The following MSL1 variants were observed in gnomAD, a reference collection of about 807,000 sequenced individuals.
The protein encoded by MSL1 is male-specific lethal 1 homolog.
A neutral mutation model predicts 64.6 loss-of-function variants in MSL1; 21 were observed. The observed-to-expected ratio is 0.33, with a 90% CI of 0.23 to 0.47. The LOEUF (loss-of-function observed/expected upper bound fraction) is 0.47, where lower values mean the gene tolerates loss of function less well. MSL1 is among the 20% of genes least tolerant of loss of function. MSL1 has a pLI of 1.00. For missense variants in MSL1, 664 were observed against 793.2 expected (o/e 0.84, Z 1.96); for synonymous variants, 339 against 329.6 (o/e 1.03, Z -0.31).
At chr17:40,124,175 A>C (rs915764573) in intron 1 of MSL1, among the ~76,000 whole-genome samples, 5 of 152,176 alleles carry the variant, frequency 3.3e-5, no homozygotes. Context: ...CTGCAGCAGT[A>C]GTTAAGGGCA....
At chr17:40,128,173 G>A (rs1988362997) in intron 2 of MSL1, among the ~76,000 whole-genome samples, 1 of 151,948 alleles carries the variant, frequency 6.6e-6, no homozygotes, top group African/African-American at 2.4e-5. Context: ...TTCTTGGGAT[G>A]TGGTGGGGGA....
intron 6 of MSL1, 46 bp downstream of exon 6, chr17:40,133,155 C>G: frequency 1.3e-6 from 2 of 1,538,594 alleles, no homozygotes; most frequent in African/African-American, 1.4e-5. Context: ...GCCCTAGGAC[C>G]TAGGACAGAG....
chr17:40,123,969 T>C (rs1434732024), intron 1 of MSL1, among the ~76,000 whole-genome samples: 1 of 152,226 alleles, frequency 6.6e-6, no homozygotes, highest in Non-Finnish European at 1.5e-5. Flanking sequence ...TGAGTTCTAA[T>C]ACATGACCCA....
chr17:40,133,431 G>A, intron 6 of MSL1, 103 bp from the exon 7 acceptor site: 1 of 1,425,996 alleles, frequency 7.0e-7, no homozygotes, highest in Non-Finnish European at 9.3e-7. Context: ...GAGTCAGCAA[G>A]GGTCTTCCTA....
At chr17:40,132,126 G>C (rs748132070) in intron 5 of MSL1, 28 bp downstream of exon 5, 1 of 1,483,084 alleles carries the variant, frequency 6.7e-7, no homozygotes, top group South Asian at 1.2e-5. Context: ...CTCAATTGAA[G>C]AGAGTAAGAG....
chr17:40,125,668 G>A (rs571333751), intron 1 of MSL1, among the ~76,000 whole-genome samples: 10 of 152,222 alleles, frequency 6.6e-5, no homozygotes, highest in South Asian at 4.1e-4. Context: ...AAAATTACCC[G>A]GTGTGGTGGC....
At chr17:40,126,125 T>A in intron 1 of MSL1, 58 bp from the exon 2 acceptor site, 1 of 1,485,974 alleles carries the variant, frequency 6.7e-7, no homozygotes, top group Non-Finnish European at 9.4e-7. Flanking sequence ...TGGGGCTAAG[T>A]ATCTGTGTGT....
At position 40,131,474 on chromosome 17, in the gene MSL1, A is replaced by T; in HGVS notation, c.1376-63A>T. 4 of 1,462,730 alleles carry T rather than the reference A, an allele frequency of 2.7e-6. No individual in the cohort carries two copies. The highest frequency in any genetic ancestry group is 2.3e-5 in the East Asian group (1 of 44,208). 90.6% of individuals were successfully genotyped at this position (1,462,730 alleles called of 1,614,324 possible). A position where few individuals can be genotyped will look rare whatever the true frequency, so the allele number is the denominator to read the frequency against. On this transcript the variant is annotated intron_variant, in intron 3 of 8. Transcript: ENST00000398532. This position sits in a 1 kb window ranked among gnomAD's most constrained non-coding sequence, Gnocchi z 4.5. ...AACTTCAGTGATGATCCTTTCCTCC[A>T]TTTGGGGTATGGGCTTTTTTTCTTT...
Position 40,122,004 on chromosome 17 carries a change from GGCGGCTACGA to G in MSL1, c.-602_-593del, listed in dbSNP as rs1988178431. ...TCCGGTTGGCGGCGGCTGCGGCGGT[GGCGGCTACGA>G]GCGGCTCCGTTTTTTTAAAGGGAAA... On this transcript the variant is annotated 5_prime_UTR_variant, in exon 1 of 9. An upstream open reading frame in the 5' UTR loses its in-frame stop. Transcript: ENST00000398532. This position sits in a 1 kb window ranked among gnomAD's most constrained non-coding sequence, Gnocchi z 4.2. Among the ~76,000 whole-genome samples the G allele has an allele frequency of 3.9e-5, 6 of 151,962 alleles. No homozygotes were observed. Among genetic ancestry groups the G allele is most frequent in the Admixed American group, 3.9e-4 (6 of 15,274 alleles).
At chr17:40,125,554 T>G (rs998023853) in intron 1 of MSL1, among the ~76,000 whole-genome samples, 5 of 152,210 alleles carry the variant, frequency 3.3e-5, no homozygotes, top group African/African-American at 1.2e-4. Context: ...GGCTCACGCC[T>G]GTAATCCCAG....
At position 40,134,935 on chromosome 17, in the gene MSL1, G is replaced by A. The variant is rs951368487; in HGVS notation, c.*566G>A. On this transcript the variant is annotated 3_prime_UTR_variant, in exon 9 of 9. Transcript: ENST00000398532. Reference sequence around the variant, plus strand: ...GAGTTGGTAGATAACTGTCTGAAAAGATAGTTGTTCATTTGAAACTATTCT... The same window carrying A: ...GAGTTGGTAGATAACTGTCTGAAAAAATAGTTGTTCATTTGAAACTATTCT... 1 of 152,488 alleles carries A rather than the reference G, an allele frequency of 6.6e-6. No homozygotes were observed. The highest frequency in any genetic ancestry group is 2.1e-4 in the South Asian group (1 of 4,840). The allele number at this position is 152,488 out of a possible 1,614,324, so 9.4% of individuals were successfully genotyped here.
At position 40,132,100 on chromosome 17, in the gene MSL1, T is replaced by C; in HGVS notation, c.1488+2T>C. 1 of 1,596,928 alleles carries C rather than the reference T, an allele frequency of 6.3e-7. No homozygotes were observed. The highest frequency in any genetic ancestry group is 8.6e-7 in the Non-Finnish European group (1 of 1,169,572). ...CCAAATCCTTCAGACCTTTTGGAGGTAGGTAACCAAGAGCACTCAATTGAA... is the reference window on the plus strand; with the variant it reads ...CCAAATCCTTCAGACCTTTTGGAGGCAGGTAACCAAGAGCACTCAATTGAA... On this transcript the variant is annotated splice_donor_variant, in intron 5 of 8. Coordinates refer to ENST00000398532, the MANE Select transcript of MSL1 (RefSeq NM_001365919.1). LOFTEE classifies it high-confidence loss of function.
intron 1 of MSL1, chr17:40,124,862 G>A (rs976857457): frequency 5.9e-5 from 9 of 152,236 alleles, no homozygotes; most frequent in African/African-American, 1.7e-4. Context: ...AGTTCCTGAG[G>A]TAATGGCCCC....
In MSL1 at chr17:40,131,680, G is replaced by A; in HGVS notation, c.1423+96G>A. ...TGCATTCCCCATCCACTGGATGTGG[G>A]AGACTGAGATTTCTTGGTGTATGAT... On this transcript the variant is annotated intron_variant, in intron 4 of 8. Coordinates refer to ENST00000398532, the MANE Select transcript of MSL1 (RefSeq NM_001365919.1). The surrounding 1 kb of genome is among the most constrained non-coding windows in gnomAD (Gnocchi z 4.5). 2 of 1,077,234 alleles carry A rather than the reference G, an allele frequency of 1.9e-6. No homozygotes were observed. The highest frequency in any genetic ancestry group is 1.7e-5 in the Admixed American group (1 of 58,100). The allele number at this position is 1,077,234 out of a possible 1,614,324, so 66.7% of individuals were successfully genotyped here.
chr17:40,133,334 C>G (rs1988478328), intron 6 of MSL1, 200 bp from the exon 7 acceptor site: 1 of 767,124 alleles, frequency 1.3e-6, no homozygotes, highest in Non-Finnish European at 2.1e-6. Flanking sequence ...ATTCTACTTT[C>G]TGTGGAACAC....
Position 40,122,654 on chromosome 17 carries a change from T to A in MSL1, c.42T>A (p.Pro14=). 3.4e-6 allele frequency: 5 copies of A among 1,490,028 alleles called. No homozygotes were observed. Among genetic ancestry groups the A allele is most frequent in the Non-Finnish European group, 4.4e-6 (5 of 1,127,220 alleles). 92.3% of individuals were successfully genotyped at this position (1,490,028 alleles called of 1,614,324 possible). ...CGGTGTTCAAGGCGGCCGCGGCCCC[T>A]GCCGGCGGCAATCCTGAGCAGCGAC... ...RSAVFKAAAA[P]AGGNPEQRLD... The change falls in exon 1 of 9, where the codon CCT becomes CCA. Residue 14 remains proline (P), a synonymous_variant. Coordinates refer to ENST00000398532, the MANE Select transcript of MSL1 (RefSeq NM_001365919.1). The surrounding 1 kb of genome is among the most constrained non-coding windows in gnomAD (Gnocchi z 4.2).
At chr17:40,134,185 G>T (rs1248471774) in intron 8 of MSL1, 94 bp from the exon 9 acceptor site, 2 of 1,045,342 alleles carry the variant, frequency 1.9e-6, no homozygotes, top group Non-Finnish European at 1.4e-6. Context: ...GATAGGAGTG[G>T]TAAGGGACAT....
Position 40,136,780 on chromosome 17 carries a change from T to TG in MSL1, c.*2413dup, listed in dbSNP as rs1337926136. 5.2e-5 allele frequency: 8 copies of TG among 152,402 alleles called. No homozygotes were observed. Among genetic ancestry groups the TG allele is most frequent in the Non-Finnish European group, 4.4e-5 (3 of 68,050 alleles). The allele number at this position is 152,402 out of a possible 1,614,324, so 9.4% of individuals were successfully genotyped here. On this transcript the variant is annotated 3_prime_UTR_variant, in exon 9 of 9. Transcript: ENST00000398532. ...GAGTTCAATTGTAAATAAACTATTG[T>TG]GGCTGTTAATTTTTGAACTTCTGCT...
At chr17:40,132,229 T>C (rs765557579) in intron 5 of MSL1, 131 bp downstream of exon 5, 26 of 641,380 alleles carry the variant, frequency 4.1e-5, no homozygotes, top group Non-Finnish European at 6.5e-5. Flanking sequence ...TGAGAAATTA[T>C]CTAGTCCAGC....
Sources: allele counts gnomAD v4.1 joint callset (sites outside exome capture counted in the v4.1 genomes callset), GRCh38; gene constraint gnomAD v4.1.1; non-coding constraint Gnocchi (gnomAD v3.1); transcripts MANE v1.5; gene names NCBI Gene and HGNC (gene_info 2026-07-23, HGNC 2026-07-21).